Variants in NECTIN3 observed in about 807,000 individuals in gnomAD.
NECTIN3 encodes the protein nectin cell adhesion molecule 3, also known as nectin-3.
NECTIN3 carries 8 observed loss-of-function variants against 49.4 expected under a neutral mutation model. The observed-to-expected ratio is 0.16, with a 90% confidence interval of 0.10 to 0.29. NECTIN3 has a LOEUF of 0.29. Among genes scored for constraint, NECTIN3 ranks in the 10% least tolerant of loss-of-function variants. The pLI is 1.00. For missense variants in NECTIN3, 581 were observed against 654.6 expected (o/e 0.89, Z 1.23); for synonymous variants, 277 against 241.1 (o/e 1.15, Z -1.38).
chr3:111,142,097 ATACTT>A (rs2034761656), downstream of NECTIN3, among the ~76,000 whole-genome samples: 1 of 151,976 alleles, frequency 6.6e-6, no homozygotes, highest in South Asian at 2.1e-4. Flanking sequence ...TTTCATCAAA[ATACTT>A]GAATGCAAAA....
At chr3:111,087,110 C>A (rs1250322768) in intron 1 of NECTIN3, among the ~76,000 whole-genome samples, 2 of 152,034 alleles carry the variant, frequency 1.3e-5, no homozygotes, top group Non-Finnish European at 2.9e-5. Flanking sequence ...TGCTTAATTT[C>A]ACTTATTTCT....
At chr3:111,158,976 A>G (rs1271153943) in intron 7 of NECTIN3, among the ~76,000 whole-genome samples, 1 of 152,184 alleles carries the variant, frequency 6.6e-6, no homozygotes, top group Non-Finnish European at 1.5e-5. Context: ...AGCACATGAA[A>G]AGATACTCAA....
chr3:111,126,815 A>T (rs1296319770), intron 5 of NECTIN3, among the ~76,000 whole-genome samples: 1 of 152,156 alleles, frequency 6.6e-6, no homozygotes, highest in Non-Finnish European at 1.5e-5. Context: ...CTGAGAGGTG[A>T]AATAGGAATG....
At chr3:111,149,579 G>C (rs1325627995) in intron 7 of NECTIN3, among the ~76,000 whole-genome samples, 1 of 149,958 alleles carries the variant, frequency 6.7e-6, no homozygotes, top group Admixed American at 6.7e-5. Flanking sequence ...ATAGTCACTG[G>C]GATTTCTCTC....
intron 5 of NECTIN3, among the ~76,000 whole-genome samples, chr3:111,131,420 A>G (rs867733246): frequency 5.9e-5 from 9 of 152,060 alleles, no homozygotes; most frequent in Admixed American, 5.9e-4. Context: ...GTCATTGTAA[A>G]TTAGAAAACA....
intron 1 of NECTIN3, among the ~76,000 whole-genome samples, chr3:111,100,037 CTT>C (rs142257084): frequency 3.3e-5 from 5 of 151,878 alleles, no homozygotes; most frequent in Non-Finnish European, 7.4e-5. Flanking sequence ...AAAGTTCTTG[CTT>C]TTTTTTATTC....
chr3:111,106,957 C>T (rs993081414), intron 1 of NECTIN3, among the ~76,000 whole-genome samples: 2 of 152,052 alleles, frequency 1.3e-5, no homozygotes, highest in South Asian at 4.2e-4. Flanking sequence ...AAGATAGTAT[C>T]AGAGTTTTAA....
At chr3:111,114,330 T>C (rs2033599771) in intron 2 of NECTIN3, among the ~76,000 whole-genome samples, 1 of 152,152 alleles carries the variant, frequency 6.6e-6, no homozygotes, top group African/African-American at 2.4e-5. Context: ...GTGTAACTAT[T>C]ATTCATCAAA....
At chr3:111,167,290 GA>G (rs936872999) in intron 7 of NECTIN3, among the ~76,000 whole-genome samples, 1 of 152,174 alleles carries the variant, frequency 6.6e-6, no homozygotes, top group African/African-American at 2.4e-5. Context: ...AAAGGCATTA[GA>G]ATCAGCATTT....
upstream of NECTIN3, among the ~76,000 whole-genome samples, chr3:111,189,989 G>A (rs2035786017): frequency 6.6e-6 from 1 of 152,216 alleles, no homozygotes; most frequent in South Asian, 2.1e-4. Context: ...TGGGGTAGCA[G>A]TGGCCAAAAA....
chr3:111,086,203 T>C lies in NECTIN3; in HGVS notation c.160+14026T>C, dbSNP rs1045461402. On this transcript the variant is annotated intron_variant, in intron 1 of 5. Transcript: ENST00000485303. ...TATTTGCTAAATATGAACCCTTTGT[T>C]AATTATATGTATTGCAAATATCTTC... is the stretch of plus-strand genomic sequence containing the variant. 7.9e-5 allele frequency among the ~76,000 whole-genome samples: 12 copies of C among 152,180 alleles called. No homozygotes were observed. In the South Asian group the frequency reaches 2.1e-3, roughly 26 times the overall value.
chr3:111,133,404 A>G (rs971516478), intron 5 of NECTIN3, among the ~76,000 whole-genome samples: 1 of 152,096 alleles, frequency 6.6e-6, no homozygotes, highest in Non-Finnish European at 1.5e-5. Context: ...TTTACACCAT[A>G]GGTTTTATTC....
chr3:111,072,190 C>T lies in NECTIN3; in HGVS notation c.160+13C>T. Reference sequence around the variant, plus strand: ...TCCAGGCTCTGTGGTAGGTGAACCTCGGCGGCCGGCGTGGGCTGAGGGAGC... The same window carrying T: ...TCCAGGCTCTGTGGTAGGTGAACCTTGGCGGCCGGCGTGGGCTGAGGGAGC... On this transcript the variant is annotated intron_variant, in intron 1 of 5. Coordinates refer to ENST00000485303, the MANE Select transcript of NECTIN3 (RefSeq NM_015480.3). The T allele has an allele frequency of 1.3e-6, 2 of 1,540,826 alleles. No homozygotes were observed. The highest frequency in any genetic ancestry group is 8.7e-7 in the Non-Finnish European group (1 of 1,146,266).
At position 111,135,270 on chromosome 3, in the gene NECTIN3, A is replaced by G; in HGVS notation, c.*1055A>G. On this transcript the variant is annotated 3_prime_UTR_variant, in exon 6 of 6. Transcript: ENST00000485303. ...ATATAACTAGAAAAAACTAGATTAT[A>G]GAATTAGTCGGTAACACTTGCTAAT... is the stretch of plus-strand genomic sequence containing the variant. The G allele has an allele frequency of 1.0e-6, 1 of 967,868 alleles. No homozygotes were observed. The highest frequency in any genetic ancestry group is 1.2e-6 in the Non-Finnish European group (1 of 814,296). 60.0% of individuals were successfully genotyped at this position (967,868 alleles called of 1,614,324 possible).
At chr3:111,122,606 C>T (rs971097093) in intron 4 of NECTIN3, among the ~76,000 whole-genome samples, 28 of 152,076 alleles carry the variant, frequency 1.8e-4, no homozygotes, top group African/African-American at 6.0e-4. Flanking sequence ...ATAGTCCAAA[C>T]GAAATTTTAG....
chr3:111,072,256 C>T (rs758734036), intron 1 of NECTIN3, 79 bp downstream of exon 1: 550 of 1,477,888 alleles, frequency 3.7e-4, no homozygotes, highest in Non-Finnish European at 2.7e-4. Context: ...CTCTGCCAGC[C>T]GTTCTCTGGA....
chr3:111,151,036 G>A (rs2034991516), intron 7 of NECTIN3, among the ~76,000 whole-genome samples: 1 of 151,878 alleles, frequency 6.6e-6, no homozygotes, highest in African/African-American at 2.4e-5. Flanking sequence ...GTTGTAAACT[G>A]TAAGCAGTAT....
intron 7 of NECTIN3, among the ~76,000 whole-genome samples, chr3:111,161,557 C>T (rs1458009339): frequency 2.0e-5 from 3 of 152,138 alleles, no homozygotes; most frequent in Non-Finnish European, 2.9e-5. Context: ...TCAGCATTAC[C>T]GCCTAAGCTC....
At chr3:111,185,698 C>T (rs2035707774) in intron 7 of NECTIN3, among the ~76,000 whole-genome samples, 1 of 152,156 alleles carries the variant, frequency 6.6e-6, no homozygotes, top group African/African-American at 2.4e-5. Flanking sequence ...AAAGACTCTG[C>T]AGAGAAAATG....
Sources: allele counts gnomAD v4.1 joint callset (sites outside exome capture counted in the v4.1 genomes callset), GRCh38; gene constraint gnomAD v4.1.1; transcripts MANE v1.5; gene names NCBI Gene and HGNC (gene_info 2026-07-23, HGNC 2026-07-21).